DEAF1: variants seen among roughly 807,000 people sequenced by gnomAD.
The protein encoded by DEAF1 is DEAF1 transcription factor, also known as deformed epidermal autoregulatory factor 1 homolog.
In DEAF1, 53 loss-of-function variants were observed where a neutral mutation model predicts 58.9. The ratio of observed to expected loss-of-function variants is 0.90; its 90% CI spans 0.72 to 1.13. DEAF1 has a LOEUF of 1.13. Among genes scored for constraint, DEAF1 ranks in the 50% most tolerant of loss-of-function variants. The probability of loss-of-function intolerance (pLI) is 0.00; values close to 1 mark genes in which losing one functional copy is unlikely to be tolerated. For missense variants in DEAF1, 685 were observed against 791.4 expected (o/e 0.87, Z 1.61); for synonymous variants, 385 against 340.4 (o/e 1.13, Z -1.44).
In DEAF1 at chr11:670,847, G is replaced by A. The variant is rs1315373095; in HGVS notation, c.1503+3689C>T. 1.1e-4 allele frequency among the ~76,000 whole-genome samples: 15 copies of A among 138,546 alleles called. No individual in the cohort carries two copies. In the South Asian group the frequency reaches 1.1e-3, roughly 11 times the overall value. 90.9% of individuals were successfully genotyped at this position (138,546 alleles called of 152,430 possible). On this transcript the variant is annotated intron_variant, in intron 10 of 11. Coordinates refer to ENST00000382409, the MANE Select transcript of DEAF1 (RefSeq NM_021008.4). The stretch of plus-strand genomic sequence containing the variant: ...GGCTGGAGTACAGTGGTGTGATCAC[G>A]GCTCACTGCAACATCAACCTCCTAG...
intron 7 of DEAF1, chr11:680,041 G>T (rs926821529): frequency 2.0e-5 from 12 of 592,396 alleles, no homozygotes; most frequent in Middle Eastern, 4.6e-4. Context: ...ACTACCAATT[G>T]TTCGCTGTTT....
At chr11:679,055 G>C (rs1053358455) in intron 8 of DEAF1, among the ~76,000 whole-genome samples, 1 of 152,170 alleles carries the variant, frequency 6.6e-6, no homozygotes, top group South Asian at 2.1e-4. Context: ...GCTCACGCCT[G>C]TAATCCCAGC....
chr11:682,102 T>C (rs1860403708), intron 6 of DEAF1, among the ~76,000 whole-genome samples: 1 of 152,244 alleles, frequency 6.6e-6, no homozygotes, highest in East Asian at 1.9e-4. Context: ...CGGCCTCGGC[T>C]GCTGCTCCTC....
At chr11:668,639 C>T (rs994545179) in intron 10 of DEAF1, among the ~76,000 whole-genome samples, 1 of 152,074 alleles carries the variant, frequency 6.6e-6, no homozygotes, top group Non-Finnish European at 1.5e-5. Flanking sequence ...CCTGGCAACA[C>T]AGTGAGACCC....
intron 4 of DEAF1, 129 bp from the exon 5 acceptor site, chr11:687,126 C>G: frequency 7.2e-7 from 1 of 1,379,982 alleles, no homozygotes. Flanking sequence ...ATCTCACCCA[C>G]CCACATACTT....
Position 688,245 on chromosome 11 carries a change from G to T in DEAF1, c.517+86C>A. On this transcript the variant is annotated intron_variant, in intron 3 of 11. Coordinates refer to ENST00000382409, the MANE Select transcript of DEAF1 (RefSeq NM_021008.4). The surrounding 1 kb of genome is among the most constrained non-coding windows in gnomAD (Gnocchi z 4.3). ...TGATATTCCAAATTTACCACAAAAAGAAACAAGTAAATAAATCCCTGAAAT... is the reference window on the plus strand; with the variant it reads ...TGATATTCCAAATTTACCACAAAAATAAACAAGTAAATAAATCCCTGAAAT... 6.4e-7 allele frequency: 1 copy of T among 1,557,748 alleles called. No homozygotes were observed. Among genetic ancestry groups the T allele is most frequent in the Non-Finnish European group, 8.7e-7 (1 of 1,149,452 alleles).
chr11:702,901 G>A lies in DEAF1; in HGVS notation c.-438+3671C>T, dbSNP rs375562185. On this transcript the variant is annotated intron_variant, in intron 1 of 11. Coordinates refer to the DEAF1 transcript ENST00000683307. ...GCACCTGTGGGCGGTGGGCTCCAGG[G>A]AGCGCCTCGCACCACCTTCCCTCCC... 5.7e-5 allele frequency: 89 copies of A among 1,550,416 alleles called. 1 individual carries two copies. In the Middle Eastern group the frequency reaches 9.5e-4, roughly 16 times the overall value.
chr11:706,258 G>A (rs971623933), intron 1 of DEAF1: 20 of 152,104 alleles, frequency 1.3e-4, no homozygotes, highest in African/African-American at 3.9e-4. Context: ...AGCGCCGAGG[G>A]GACAGGCCGA....
At chr11:653,613 T>A (rs1198780893) in intron 11 of DEAF1, among the ~76,000 whole-genome samples, 1 of 148,538 alleles carries the variant, frequency 6.7e-6, no homozygotes, top group Non-Finnish European at 1.5e-5. Context: ...GGACAGTCTC[T>A]CTCACGTGGC....
intron 10 of DEAF1, among the ~76,000 whole-genome samples, chr11:661,697 C>T (rs112761610): frequency 0.018 from 2,660 of 151,692 alleles, 23 homozygotes; most frequent in Non-Finnish European, 0.027. Flanking sequence ...GCAACAAGAG[C>T]GAAACTCCAT....
chr11:645,788 G>A (rs1471090386), intron 11 of DEAF1, among the ~76,000 whole-genome samples: 1 of 152,214 alleles, frequency 6.6e-6, no homozygotes, highest in Non-Finnish European at 1.5e-5. Flanking sequence ...ATGGAGCAGA[G>A]CTCTAGAGGA....
At chr11:703,406 A>G in intron 1 of DEAF1, 1 of 1,344,000 alleles carries the variant, frequency 7.4e-7, no homozygotes, top group East Asian at 2.9e-5. Flanking sequence ...GATGAGTCCC[A>G]GGAGCGCACA....
chr11:645,753 T>A (rs1858461799), intron 11 of DEAF1, among the ~76,000 whole-genome samples: 1 of 152,186 alleles, frequency 6.6e-6, no homozygotes, highest in African/African-American at 2.4e-5. Flanking sequence ...AGGCTCTGCC[T>A]CCCTGCTACG....
intron 9 of DEAF1, 80 bp from the exon 10 acceptor site, chr11:674,863 A>G (rs1304833941): frequency 1.3e-6 from 2 of 1,587,576 alleles, no homozygotes; most frequent in Non-Finnish European, 1.7e-6. Context: ...AAAAATTCTC[A>G]GCCGGGCGCG....
intron 11 of DEAF1, among the ~76,000 whole-genome samples, chr11:645,955 TAAA>T (rs1012822524): frequency 2.6e-4 from 40 of 152,002 alleles, no homozygotes; most frequent in Admixed American, 8.5e-4. Flanking sequence ...CTGATTATAA[TAAA>T]AGAGCAAAAT....
chr11:678,676 G>C lies in DEAF1; in HGVS notation c.1255+18C>G, dbSNP rs188905985. On this transcript the variant is annotated intron_variant, in intron 9 of 11. Transcript: ENST00000382409. Reference sequence around the variant, plus strand: ...TGAGGACAATAACCTGTACATGTGTGAATTCTTTCAAACCTACCTATTTTG... The same window carrying C: ...TGAGGACAATAACCTGTACATGTGTCAATTCTTTCAAACCTACCTATTTTG... The C allele has an allele frequency of 6.2e-7, 1 of 1,613,836 alleles. No homozygotes were observed. The highest frequency in any genetic ancestry group is 1.3e-5 in the African/African-American group (1 of 75,048).
At chr11:668,740 T>C (rs1859667691) in intron 10 of DEAF1, among the ~76,000 whole-genome samples, 1 of 152,186 alleles carries the variant, frequency 6.6e-6, no homozygotes, top group Non-Finnish European at 1.5e-5. Flanking sequence ...GAGGATTGCT[T>C]GAGCCTGGGA....
At chr11:665,699 C>T (rs1331919908) in intron 10 of DEAF1, among the ~76,000 whole-genome samples, 1 of 152,196 alleles carries the variant, frequency 6.6e-6, no homozygotes, top group Non-Finnish European at 1.5e-5. Flanking sequence ...GCCAAATGAG[C>T]AGGGGAGAGA....
chr11:681,979 A>G (rs1318848376), intron 6 of DEAF1, among the ~76,000 whole-genome samples: 1 of 152,182 alleles, frequency 6.6e-6, no homozygotes, highest in Non-Finnish European at 1.5e-5. Context: ...CAGGTGATAC[A>G]TTGTAGCAAC....
Sources: gnomAD v4.1 joint callset for allele counts (sites outside exome capture counted in the v4.1 genomes callset) on GRCh38, gnomAD v4.1.1 for gene constraint, Gnocchi (gnomAD v3.1) non-coding constraint, MANE v1.5 for transcripts, NCBI Gene and HGNC (gene_info 2026-07-23, HGNC 2026-07-21) for gene names.